The following ANKRD30BL variants were observed in gnomAD, a reference collection of about 807,000 sequenced individuals.
The protein encoded by ANKRD30BL is ankyrin repeat domain 30B like, also known as putative ankyrin repeat domain-containing protein 30B-like.
Under a neutral mutation model 18.4 loss-of-function variants are expected in ANKRD30BL, and 20 were observed. The ratio of observed to expected loss-of-function variants is 1.09; its 90% CI spans 0.77 to 1.58. The LOEUF is 1.58. ANKRD30BL is among the 40% of genes most tolerant of loss of function. ANKRD30BL has a pLI of 0.00. For missense variants in ANKRD30BL, 224 were observed against 268.6 expected, an observed-to-expected ratio of 0.83 and a Z score of 1.16; for synonymous variants, 72 against 100.9, an observed-to-expected ratio of 0.71 and a Z score of 1.72.
chr2:132,205,268 A>G (rs1317478432), intron 1 of ANKRD30BL, among the ~76,000 whole-genome samples: 1 of 152,158 alleles, frequency 6.6e-6, no homozygotes, highest in African/African-American at 2.4e-5. Flanking sequence ...CATTAAGACT[A>G]GTACTTACAC....
In ANKRD30BL at chr2:132,150,663, C is replaced by A. The variant is rs189530113; in HGVS notation, c.679+249G>T. ...AAGTATTATATAGGATATTAGGGAC[C>A]ACAATTAAACAAACATTTTTTCAGA... On this transcript the variant is annotated intron_variant, in intron 5 of 5. Transcript: ENST00000409867. Among the ~76,000 whole-genome samples the A allele has an allele frequency of 6.5e-3, 981 of 151,036 alleles. 13 individuals carry two copies. Among genetic ancestry groups the A allele is most frequent in the African/African-American group, 0.022 (910 of 41,262 alleles).
At chr2:132,184,149 T>A (rs1688523238) in intron 1 of ANKRD30BL, among the ~76,000 whole-genome samples, 1 of 152,118 alleles carries the variant, frequency 6.6e-6, no homozygotes, top group Non-Finnish European at 1.5e-5. Flanking sequence ...CTTGGCTCAC[T>A]GCAACCTCCA....
intron 1 of ANKRD30BL, among the ~76,000 whole-genome samples, chr2:132,228,181 T>A (rs1195457287): frequency 2.0e-5 from 3 of 152,066 alleles, no homozygotes; most frequent in Admixed American, 6.6e-5. Flanking sequence ...GATTGAGCAG[T>A]TTTGAATCTC....
chr2:132,241,154 A>G (rs994974869), intron 1 of ANKRD30BL, among the ~76,000 whole-genome samples: 1 of 151,122 alleles, frequency 6.6e-6, no homozygotes, highest in Non-Finnish European at 1.5e-5. Context: ...TTAGAAGTCT[A>G]TGGTGAAAAA....
intron 1 of ANKRD30BL, among the ~76,000 whole-genome samples, chr2:132,248,375 T>C (rs1680557634): frequency 6.6e-6 from 1 of 152,172 alleles, no homozygotes; most frequent in African/African-American, 2.4e-5. Flanking sequence ...GATTCAACTC[T>C]GTGAGATGAA....
intron 1 of ANKRD30BL, among the ~76,000 whole-genome samples, chr2:132,179,594 T>TA (rs1688426265): frequency 6.6e-6 from 1 of 152,178 alleles, no homozygotes; most frequent in Non-Finnish European, 1.5e-5. Context: ...TGGCCCTTTT[T>TA]ATCATGTTTT....
chr2:132,175,991 T>C (rs7583031), intron 1 of ANKRD30BL, among the ~76,000 whole-genome samples: 92,950 of 152,112 alleles, frequency 0.61, 30,459 homozygotes, highest in African/African-American at 0.87. Context: ...CTTATGTCTT[T>C]CCTTTCTACA....
intron 1 of ANKRD30BL, among the ~76,000 whole-genome samples, chr2:132,249,991 C>T (rs2323823): frequency 2.0e-5 from 3 of 152,162 alleles, no homozygotes; most frequent in South Asian, 2.1e-4. Context: ...GAAGATATTT[C>T]CTTTTTCACC....
chr2:132,170,975 T>A lies in ANKRD30BL; in HGVS notation n.442-13829A>T, dbSNP rs189101546. Among the ~76,000 whole-genome samples the A allele has an allele frequency of 3.3e-3, 509 of 152,152 alleles. 5 individuals are homozygous for A. The highest frequency in any genetic ancestry group is 0.011 in the African/African-American group (471 of 41,502). ...ATCGAGACCATCCTGGCTAACACGG[T>A]GAAACCTCGTCTCTACTAAAAATAC... On this transcript the variant is annotated intron_variant and non_coding_transcript_variant, in intron 1 of 4. Transcript: ENST00000470729.
intron 1 of ANKRD30BL, among the ~76,000 whole-genome samples, chr2:132,222,211 T>G (rs1242303024): frequency 7.2e-6 from 1 of 139,136 alleles, no homozygotes; most frequent in South Asian, 2.3e-4. Context: ...GGGAGGGTGG[T>G]GGGGGGGTCA....
chr2:132,211,378 G>A (rs1382485351), intron 1 of ANKRD30BL, among the ~76,000 whole-genome samples: 1 of 151,678 alleles, frequency 6.6e-6, no homozygotes, highest in African/African-American at 2.4e-5. Context: ...GAGTCTTCTG[G>A]TGGAAAAGGA....
intron 1 of ANKRD30BL, among the ~76,000 whole-genome samples, chr2:132,199,144 G>C (rs1679039077): frequency 6.6e-6 from 1 of 152,074 alleles, no homozygotes; most frequent in Admixed American, 6.6e-5. Context: ...AAGGTCAAGA[G>C]ACATAGACCA....
At chr2:132,256,062 G>A (rs1573903343) in intron 1 of ANKRD30BL, among the ~76,000 whole-genome samples, 1 of 152,198 alleles carries the variant, frequency 6.6e-6, no homozygotes, top group Non-Finnish European at 1.5e-5. Context: ...AAGTAGGAGA[G>A]GAGCCAGCGA....
At chr2:132,254,064 G>T (rs796808240) in intron 1 of ANKRD30BL, among the ~76,000 whole-genome samples, 1 of 148,704 alleles carries the variant, frequency 6.7e-6, no homozygotes, top group African/African-American at 2.5e-5. Flanking sequence ...CCACCCCCGC[G>T]CCCACCGACA....
chr2:132,147,927 C>T lies in ANKRD30BL; in HGVS notation c.*204G>A, dbSNP rs3114236. 290,640 of 508,814 alleles carry T rather than the reference C, an allele frequency of 0.57. 87,911 individuals are homozygous for T. Among genetic ancestry groups the T allele is most frequent in the African/African-American group, 0.89 (42,152 of 47,478 alleles). 31.5% of individuals were successfully genotyped at this position (508,814 alleles called of 1,614,324 possible). A position where few individuals can be genotyped will look rare whatever the true frequency, so the allele number is the denominator to read the frequency against. ...GCAGGTGTTAGAGGCTAGAAGGGGGCTGTTTAATGAAACTAGGGGCAAGGA... is the reference window on the plus strand; with the variant it reads ...GCAGGTGTTAGAGGCTAGAAGGGGGTTGTTTAATGAAACTAGGGGCAAGGA... On this transcript the variant is annotated 3_prime_UTR_variant, in exon 6 of 6. Transcript: ENST00000409867.
At chr2:132,224,916 C>T (rs1300531108) in intron 1 of ANKRD30BL, among the ~76,000 whole-genome samples, 1 of 151,076 alleles carries the variant, frequency 6.6e-6, no homozygotes, top group Non-Finnish European at 1.5e-5. Flanking sequence ...TTGAAACACT[C>T]TTTGCAGAAT....
rs1421435603 is a variant in ANKRD30BL at position 132,150,983 on chromosome 2, A to G, written c.615-7T>C. ...CAAAAGTTGTTGATGAACGCTATGT[A>G]TAAAAATGAAATAAATAAAATCACT... is the stretch of plus-strand genomic sequence containing the variant. On this transcript the variant is annotated splice_polypyrimidine_tract_variant and splice_region_variant and intron_variant, in intron 4 of 5. Coordinates refer to ENST00000409867, the MANE Select transcript of ANKRD30BL (RefSeq NM_001358416.1). 7 of 592,720 alleles carry G rather than the reference A, an allele frequency of 1.2e-5. No individual in the cohort carries two copies. The highest frequency in any genetic ancestry group is 2.1e-5 in the Non-Finnish European group (7 of 336,466). The allele number at this position is 592,720 out of a possible 1,614,324, so 36.7% of individuals were successfully genotyped here. A position where few individuals can be genotyped will look rare whatever the true frequency, so the allele number is the denominator to read the frequency against.
At chr2:132,210,651 G>C (rs999341358) in intron 1 of ANKRD30BL, among the ~76,000 whole-genome samples, 1 of 151,504 alleles carries the variant, frequency 6.6e-6, no homozygotes, top group African/African-American at 2.4e-5. Context: ...CACACTTTTT[G>C]TGGAATGAGC....
At chr2:132,163,476 G>A (rs1688127114), upstream of ANKRD30BL, among the ~76,000 whole-genome samples, 1 of 152,030 alleles carries the variant, frequency 6.6e-6, no homozygotes, top group South Asian at 2.1e-4. Flanking sequence ...TCAGTCTTCT[G>A]GATTTTGGTT....
Sources: gnomAD v4.1 joint callset for allele counts (sites outside exome capture counted in the v4.1 genomes callset) on GRCh38, gnomAD v4.1.1 for gene constraint, MANE v1.5 for transcripts, NCBI Gene and HGNC (gene_info 2026-07-23, HGNC 2026-07-21) for gene names.